Variants in KLHL3 observed in about 807,000 individuals in gnomAD.
KLHL3 encodes the protein kelch like family member 3.
KLHL3 carries 19 observed loss-of-function variants against 70.5 expected under a neutral mutation model. The observed-to-expected ratio is 0.27, with a 90% CI of 0.19 to 0.40. KLHL3 has a LOEUF of 0.40. KLHL3 is among the 10% of genes least tolerant of loss of function. The pLI is 1.00. For missense variants in KLHL3, 512 were observed against 771.1 expected (o/e 0.66, Z 3.98); for synonymous variants, 258 against 290.3 (o/e 0.89, Z 1.13).
intron 1 of KLHL3, among the ~76,000 whole-genome samples, chr5:137,725,568 G>A (rs967971593): frequency 6.6e-6 from 1 of 152,110 alleles, no homozygotes; most frequent in Non-Finnish European, 1.5e-5. Flanking sequence ...GATTCAAATG[G>A]GTCAACAATT....
chr5:137,674,702 T>C (rs1174236705), intron 6 of KLHL3, among the ~76,000 whole-genome samples: 3 of 152,238 alleles, frequency 2.0e-5, no homozygotes, highest in South Asian at 2.1e-4. Context: ...GTTAACATTA[T>C]ATGCAGTTGA....
intron 11 of KLHL3, among the ~76,000 whole-genome samples, chr5:137,634,813 C>G (rs1040617278): frequency 6.6e-6 from 1 of 152,102 alleles, no homozygotes; most frequent in Non-Finnish European, 1.5e-5. Flanking sequence ...ATTAAAATAC[C>G]ATTAAGCTGC....
intron 3 of KLHL3, among the ~76,000 whole-genome samples, chr5:137,703,151 C>T (rs1418196287): frequency 6.6e-6 from 1 of 152,186 alleles, no homozygotes; most frequent in Non-Finnish European, 1.5e-5. Context: ...ACCACCCCTA[C>T]ATAGTTATAT....
At position 137,618,885 on chromosome 5, in the gene KLHL3, T is replaced by C. The variant is rs1418917384; in HGVS notation, c.*3213A>G. 9.2e-6 allele frequency: 1 copy of C among 108,404 alleles called. No homozygotes were observed. 6.7% of individuals were successfully genotyped at this position (108,404 alleles called of 1,614,324 possible). On this transcript the variant is annotated 3_prime_UTR_variant, in exon 15 of 15. Transcript: ENST00000309755. ...AAAATTCAGCAGACTCCCTTGAATA[T>C]GGTATTTTTAAAAAAAAAAAAAAGG...
intron 7 of KLHL3, chr5:137,661,265 G>A (rs1340349617): frequency 2.0e-5 from 3 of 152,142 alleles, no homozygotes; most frequent in Non-Finnish European, 4.4e-5. Flanking sequence ...AAGCCTCAAG[G>A]CCTACATGTG....
intron 5 of KLHL3, among the ~76,000 whole-genome samples, chr5:137,688,434 G>A (rs991813964): frequency 1.1e-4 from 17 of 152,220 alleles, no homozygotes; most frequent in African/African-American, 2.4e-4. Context: ...CCCACATGGC[G>A]CTTCCTCTAT....
At chr5:137,720,743 T>G in intron 1 of KLHL3, 159 bp from the exon 2 acceptor site, 5 of 1,449,200 alleles carry the variant, frequency 3.5e-6, no homozygotes, top group Non-Finnish European at 4.5e-6. Context: ...GGGAATTTCT[T>G]CATATCTTCC....
intron 7 of KLHL3, 168 bp downstream of exon 7, chr5:137,661,747 G>A: frequency 1.9e-6 from 1 of 531,758 alleles, no homozygotes; most frequent in Non-Finnish European, 3.3e-6. Context: ...TCAAGCCTAT[G>A]CTCTTAAACT....
intron 5 of KLHL3, among the ~76,000 whole-genome samples, chr5:137,680,795 C>CA (rs1363591322): frequency 1.3e-5 from 2 of 152,144 alleles, no homozygotes; most frequent in Non-Finnish European, 2.9e-5. Context: ...CCACCCGCCT[C>CA]AGTCTCCCAA....
chr5:137,653,317 A>G (rs1208549725), intron 8 of KLHL3, among the ~76,000 whole-genome samples: 1 of 152,218 alleles, frequency 6.6e-6, no homozygotes, highest in Non-Finnish European at 1.5e-5. Flanking sequence ...AAATGAAAAT[A>G]TAAGGCACAG....
intron 1 of KLHL3, among the ~76,000 whole-genome samples, chr5:137,733,725 G>A (rs1231128432): frequency 6.6e-6 from 1 of 152,170 alleles, no homozygotes; most frequent in Non-Finnish European, 1.5e-5. Context: ...AGAAACTCTG[G>A]GAGCTAAGGA....
intron 8 of KLHL3, among the ~76,000 whole-genome samples, chr5:137,640,509 C>A (rs1291120896): frequency 6.6e-6 from 1 of 152,190 alleles, no homozygotes; most frequent in Non-Finnish European, 1.5e-5. Context: ...CTAGTGCTAG[C>A]AGTCCTATTT....
At chr5:137,640,285 G>A (rs556155252) in intron 8 of KLHL3, among the ~76,000 whole-genome samples, 4 of 152,294 alleles carry the variant, frequency 2.6e-5, no homozygotes, top group African/African-American at 9.6e-5. Flanking sequence ...CCTCAGATTG[G>A]GAATGGGGGG....
intron 2 of KLHL3, among the ~76,000 whole-genome samples, chr5:137,712,677 G>C (rs1171990324): frequency 6.6e-6 from 1 of 152,114 alleles, no homozygotes; most frequent in Non-Finnish European, 1.5e-5. Flanking sequence ...CATCTTGAGG[G>C]GAGAAAAGTA....
At chr5:137,717,971 T>C (rs1055550110) in intron 2 of KLHL3, among the ~76,000 whole-genome samples, 2 of 152,242 alleles carry the variant, frequency 1.3e-5, no homozygotes, top group Non-Finnish European at 1.5e-5. Flanking sequence ...TTGGTCTATA[T>C]GCAACAACCA....
chr5:137,728,129 A>G (rs1484146679), intron 1 of KLHL3, among the ~76,000 whole-genome samples: 1 of 152,222 alleles, frequency 6.6e-6, no homozygotes, highest in African/African-American at 2.4e-5. Context: ...AATATAATTT[A>G]TAAGTTACAT....
chr5:137,635,808 C>G (rs1183082984), intron 11 of KLHL3, among the ~76,000 whole-genome samples: 1 of 152,196 alleles, frequency 6.6e-6, no homozygotes, highest in East Asian at 1.9e-4. Flanking sequence ...TGCTACAAGA[C>G]AGCACTTCTT....
intron 1 of KLHL3, among the ~76,000 whole-genome samples, chr5:137,721,998 C>T (rs964570307): frequency 1.3e-5 from 2 of 152,194 alleles, no homozygotes; most frequent in African/African-American, 4.8e-5. Flanking sequence ...TTGATCTAGG[C>T]TAAGCTTTGC....
At chr5:137,657,349 T>C (rs750282707) in intron 8 of KLHL3, among the ~76,000 whole-genome samples, 5 of 152,082 alleles carry the variant, frequency 3.3e-5, no homozygotes, top group Non-Finnish European at 7.4e-5. Context: ...ACTGATTCCT[T>C]CCCCCAGACA....
Sources: gnomAD v4.1 joint callset for allele counts (sites outside exome capture counted in the v4.1 genomes callset) on GRCh38, gnomAD v4.1.1 for gene constraint, MANE v1.5 for transcripts, NCBI Gene and HGNC (gene_info 2026-07-23, HGNC 2026-07-21) for gene names.